RNF149: variants seen among roughly 807,000 people sequenced by gnomAD.
RNF149 encodes the protein ring finger protein 149.
Under a neutral mutation model 39.0 loss-of-function variants are expected in RNF149, and 21 were observed. The observed-to-expected ratio is 0.54, with a 90% CI of 0.38 to 0.77. The LOEUF is 0.77. Among genes scored for constraint, RNF149 ranks in the 30% least tolerant of loss-of-function variants. The pLI, the probability that RNF149 is intolerant of heterozygous loss-of-function variation, is 0.00. For missense variants in RNF149, 493 were observed against 534.9 expected, an observed-to-expected ratio of 0.92 and a Z score of 0.77; for synonymous variants, 209 against 213.6, an observed-to-expected ratio of 0.98 and a Z score of 0.19.
intron 5 of RNF149, among the ~76,000 whole-genome samples, chr2:101,285,548 T>C (rs1682763856): frequency 6.6e-6 from 1 of 152,216 alleles, no homozygotes; most frequent in Non-Finnish European, 1.5e-5. Context: ...GCTACTACTA[T>C]GATTTCCTTT....
intron 1 of RNF149, among the ~76,000 whole-genome samples, chr2:101,302,273 T>G (rs1210667096): frequency 2.6e-5 from 4 of 152,196 alleles, no homozygotes; most frequent in Non-Finnish European, 5.9e-5. Context: ...TCTGAAAAAC[T>G]GGCTCATCTT....
At chr2:101,287,826 T>C (rs960931277) in intron 4 of RNF149, among the ~76,000 whole-genome samples, 2 of 152,226 alleles carry the variant, frequency 1.3e-5, no homozygotes, top group Non-Finnish European at 2.9e-5. Flanking sequence ...CTTGGATATA[T>C]ACTAACGTAC....
intron 1 of RNF149, among the ~76,000 whole-genome samples, chr2:101,299,765 T>C (rs17025374): frequency 0.13 from 20,134 of 152,274 alleles, 1,481 homozygotes; most frequent in African/African-American, 0.17. Context: ...TTCACATTTA[T>C]GTCTCACTTG....
chr2:101,282,135 A>C (rs1378067811), intron 5 of RNF149, 78 bp from the exon 6 acceptor site: 1 of 1,564,514 alleles, frequency 6.4e-7, no homozygotes, highest in Non-Finnish European at 8.6e-7. Context: ...CTGGCTCGTA[A>C]TTCACACACA....
At chr2:101,299,302 A>T (rs1683362710) in intron 1 of RNF149, among the ~76,000 whole-genome samples, 2 of 152,200 alleles carry the variant, frequency 1.3e-5, no homozygotes, top group Non-Finnish European at 2.9e-5. Flanking sequence ...GGATTCAGTT[A>T]CTGAAACACC....
intron 2 of RNF149, chr2:101,294,481 C>G (rs1390192339): frequency 4.9e-6 from 1 of 206,144 alleles, no homozygotes; most frequent in Non-Finnish European, 9.8e-6. Flanking sequence ...AGGCCTCTTC[C>G]TAGTCCTCAA....
rs1050624724 is a variant in RNF149, at chr2:101,298,069, C to A, written c.461-2888G>T. ...TTCAAAAAATTCTAAAAGTCCATATCTCTTTGGCCCAGCAATTCTGTGCCC... is the reference window on the plus strand; with the variant it reads ...TTCAAAAAATTCTAAAAGTCCATATATCTTTGGCCCAGCAATTCTGTGCCC... On this transcript the variant is annotated intron_variant, in intron 1 of 6. Coordinates refer to ENST00000295317, the MANE Select transcript of RNF149 (RefSeq NM_173647.4). Among the ~76,000 whole-genome samples the A allele has an allele frequency of 1.1e-4, 16 of 152,314 alleles. No homozygotes were observed. In the South Asian group the frequency reaches 1.2e-3, roughly 12 times the overall value.
At chr2:101,289,367 T>A (rs1682916865) in intron 3 of RNF149, among the ~76,000 whole-genome samples, 1 of 152,204 alleles carries the variant, frequency 6.6e-6, no homozygotes, top group Non-Finnish European at 1.5e-5. Flanking sequence ...ATGGAAGCAG[T>A]AAACATTTTA....
At position 101,276,738 on chromosome 2, in the gene RNF149, TACAG is replaced by T; in HGVS notation, c.*496_*499del. On this transcript the variant is annotated 3_prime_UTR_variant, in exon 7 of 7. Transcript: ENST00000295317. ...ATACACTACAGATGGGCAAAAAAGCTACAGACATCTCAGTTTACAAGTTTCAAGT... is the reference window on the plus strand; with the variant it reads ...ATACACTACAGATGGGCAAAAAAGCTACATCTCAGTTTACAAGTTTCAAGT... The T allele has an allele frequency of 1.0e-6, 1 of 988,938 alleles. No individual in the cohort carries two copies. The highest frequency in any genetic ancestry group is 1.2e-6 in the Non-Finnish European group (1 of 832,032). The allele number at this position is 988,938 out of a possible 1,614,324, so 61.3% of individuals were successfully genotyped here.
At chr2:101,299,026 T>A (rs1683348691) in intron 1 of RNF149, among the ~76,000 whole-genome samples, 1 of 152,054 alleles carries the variant, frequency 6.6e-6, no homozygotes, top group Admixed American at 6.6e-5. Context: ...GCATGGTAGC[T>A]CATGCCTGTA....
chr2:101,301,234 TTC>T (rs964360881), intron 1 of RNF149, among the ~76,000 whole-genome samples: 4 of 128,236 alleles, frequency 3.1e-5, no homozygotes, highest in East Asian at 2.7e-4. Context: ...TGAAGGCAAT[TTC>T]TGTTTTTTTT....
At chr2:101,282,391 T>C (rs998182127) in intron 5 of RNF149, among the ~76,000 whole-genome samples, 11 of 152,118 alleles carry the variant, frequency 7.2e-5, no homozygotes, top group African/African-American at 2.7e-4. Context: ...AGCCATGAAC[T>C]CTGATTACCG....
intron 1 of RNF149, among the ~76,000 whole-genome samples, chr2:101,298,529 G>A (rs1009893202): frequency 1.3e-5 from 2 of 152,110 alleles, no homozygotes; most frequent in South Asian, 4.1e-4. Context: ...AGGAAAAAAG[G>A]TATATAAATT....
intron 5 of RNF149, 113 bp from the exon 6 acceptor site, chr2:101,282,170 A>G: frequency 6.9e-7 from 1 of 1,448,360 alleles, no homozygotes; most frequent in Non-Finnish European, 9.1e-7. Context: ...TGTACAATGA[A>G]TCTGGCAAAA....
chr2:101,282,117 T>G (rs1682616753), intron 5 of RNF149, 60 bp from the exon 6 acceptor site: 1 of 1,598,048 alleles, frequency 6.3e-7, no homozygotes, highest in Non-Finnish European at 8.5e-7. Flanking sequence ...TCAAAGCTTA[T>G]GTATCATCTG....
At chr2:101,295,297 C>T (rs1389757052) in intron 1 of RNF149, 116 bp from the exon 2 acceptor site, 20 of 868,160 alleles carry the variant, frequency 2.3e-5, no homozygotes, top group Non-Finnish European at 3.1e-5. Context: ...TAGAAAAATT[C>T]CATGGGAAAC....
intron 1 of RNF149, among the ~76,000 whole-genome samples, chr2:101,304,866 G>C (rs1191954158): frequency 6.9e-6 from 1 of 145,116 alleles, no homozygotes; most frequent in African/African-American, 2.5e-5. Flanking sequence ...TTTGAGACAG[G>C]GTCTCACTCT....
At chr2:101,272,842 C>T (rs912872168), downstream of RNF149, 2 of 792,170 alleles carry the variant, frequency 2.5e-6, no homozygotes, top group Admixed American at 2.3e-5. Flanking sequence ...GGACAATCAC[C>T]TATTCCTGAA....
intron 2 of RNF149, chr2:101,294,352 G>A: frequency 3.2e-6 from 1 of 311,114 alleles, no homozygotes; most frequent in East Asian, 7.4e-5. Context: ...TTCACCAAGA[G>A]TACTGATTTT....
Sources: gnomAD v4.1 joint callset for allele counts (sites outside exome capture counted in the v4.1 genomes callset) on GRCh38, gnomAD v4.1.1 for gene constraint, MANE v1.5 for transcripts, NCBI Gene and HGNC (gene_info 2026-07-23, HGNC 2026-07-21) for gene names.